The following DLGAP2 variants were observed in gnomAD, a reference collection of about 807,000 sequenced individuals.
The protein encoded by DLGAP2 is disks large-associated protein 2.
DLGAP2 carries 26 observed loss-of-function variants against 100.3 expected under a neutral mutation model. The observed-to-expected ratio is 0.26, with a 90% CI of 0.19 to 0.36. The LOEUF (loss-of-function observed/expected upper bound fraction) is 0.36, where lower values mean the gene tolerates loss of function less well. DLGAP2 is among the 10% of genes least tolerant of loss of function. The pLI is 1.00. For synonymous variants in DLGAP2, 886 were observed against 630.1 expected (o/e 1.41, Z -6.08); for missense variants, 1,858 against 1,453.2 (o/e 1.28, Z -4.53).
At chr8:1,131,808 A>C (rs111622004) in intron 2 of DLGAP2, among the ~76,000 whole-genome samples, 1 of 152,180 alleles carries the variant, frequency 6.6e-6, no homozygotes, top group Non-Finnish European at 1.5e-5. Context: ...TTTGAATTCT[A>C]TGCTTTTTGG....
intron 2 of DLGAP2, among the ~76,000 whole-genome samples, chr8:1,244,731 G>A (rs1413582696): frequency 6.6e-6 from 1 of 152,148 alleles, no homozygotes; most frequent in Non-Finnish European, 1.5e-5. Flanking sequence ...TCTTAGAGAT[G>A]ACACCCAAAG....
At chr8:1,379,078 T>A (rs1352928542) in intron 3 of DLGAP2, among the ~76,000 whole-genome samples, 1 of 152,270 alleles carries the variant, frequency 6.6e-6, no homozygotes, top group African/African-American at 2.4e-5. Flanking sequence ...AAGGCTTAGT[T>A]AGCTTCTATG....
chr8:917,837 C>G (rs940099727), intron 2 of DLGAP2, among the ~76,000 whole-genome samples: 2 of 152,114 alleles, frequency 1.3e-5, no homozygotes, highest in Non-Finnish European at 2.9e-5. Context: ...CCTCGGCCTC[C>G]TAGAGTGCTG....
At chr8:966,563 G>A (rs1158168019) in intron 2 of DLGAP2, among the ~76,000 whole-genome samples, 1 of 152,094 alleles carries the variant, frequency 6.6e-6, no homozygotes, top group Non-Finnish European at 1.5e-5. Context: ...TTTAAAAAAT[G>A]ACAATGGATG....
intron 3 of DLGAP2, among the ~76,000 whole-genome samples, chr8:1,299,615 A>T (rs1009261158): frequency 5.3e-5 from 8 of 152,202 alleles, no homozygotes; most frequent in African/African-American, 1.9e-4. Flanking sequence ...TATTCATTTT[A>T]AAAGCTTGTC....
At chr8:1,542,530 A>T (rs1801397075) in intron 4 of DLGAP2, among the ~76,000 whole-genome samples, 1 of 152,140 alleles carries the variant, frequency 6.6e-6, no homozygotes, top group South Asian at 2.1e-4. Context: ...CCCATGGCAT[A>T]AGGTTTTGAA....
At chr8:1,481,850 G>T (rs911104919) in intron 3 of DLGAP2, among the ~76,000 whole-genome samples, 1 of 152,188 alleles carries the variant, frequency 6.6e-6, no homozygotes, top group Non-Finnish European at 1.5e-5. Context: ...GGCTGGCCCA[G>T]AAAACTAAAC....
intron 2 of DLGAP2, among the ~76,000 whole-genome samples, chr8:1,182,968 G>T (rs1797423082): frequency 6.6e-6 from 1 of 152,250 alleles, no homozygotes; most frequent in Non-Finnish European, 1.5e-5. Context: ...GCCGGTGGAA[G>T]GTAGACATTC....
intron 2 of DLGAP2, among the ~76,000 whole-genome samples, chr8:1,107,197 T>A (rs970271974): frequency 2.0e-5 from 3 of 152,228 alleles, no homozygotes; most frequent in African/African-American, 7.2e-5. Flanking sequence ...AGTGCACTGG[T>A]TCTGTGACTT....
chr8:1,430,976 C>A (rs547656675), intron 3 of DLGAP2, among the ~76,000 whole-genome samples: 16 of 152,302 alleles, frequency 1.1e-4, no homozygotes, highest in Middle Eastern at 3.4e-3. Flanking sequence ...TCTTTTACTT[C>A]AAGTCTCCTA....
chr8:1,649,780 C>T (rs1255759341), intron 8 of DLGAP2, among the ~76,000 whole-genome samples: 1 of 152,122 alleles, frequency 6.6e-6, no homozygotes, highest in Non-Finnish European at 1.5e-5. Context: ...AAACGTAAGT[C>T]ATGGGAAAGC....
At chr8:1,109,105 G>T (rs1438450017) in intron 2 of DLGAP2, among the ~76,000 whole-genome samples, 9 of 116,468 alleles carry the variant, frequency 7.7e-5, no homozygotes, top group East Asian at 3.5e-4. Flanking sequence ...GGTGTGCACG[G>T]GTCTGTGAGG....
chr8:1,605,230 G>T (rs111404053), intron 6 of DLGAP2, among the ~76,000 whole-genome samples: 7 of 152,066 alleles, frequency 4.6e-5, no homozygotes, highest in African/African-American at 1.7e-4. Flanking sequence ...CCCCAGATCC[G>T]GACCTCCTGA....
intron 3 of DLGAP2, among the ~76,000 whole-genome samples, chr8:1,309,267 A>G (rs968571939): frequency 6.6e-6 from 1 of 152,242 alleles, no homozygotes; most frequent in African/African-American, 2.4e-5. Flanking sequence ...ATGAACTTCA[A>G]GTCAGATAAA....
intron 2 of DLGAP2, among the ~76,000 whole-genome samples, chr8:1,039,816 C>T (rs1279700532): frequency 3.5e-5 from 5 of 143,834 alleles, no homozygotes; most frequent in South Asian, 2.3e-4. Flanking sequence ...GTGGTCGGCT[C>T]GGTGTGCATG....
At chr8:1,464,086 C>T (rs1261925979) in intron 3 of DLGAP2, among the ~76,000 whole-genome samples, 2 of 152,244 alleles carry the variant, frequency 1.3e-5, no homozygotes, top group East Asian at 3.8e-4. Flanking sequence ...TGAAGAGCTT[C>T]CTTCCAGCTG....
At chr8:1,027,982 C>T (rs372711426) in intron 2 of DLGAP2, among the ~76,000 whole-genome samples, 5 of 145,786 alleles carry the variant, frequency 3.4e-5, no homozygotes, top group Admixed American at 3.4e-4. Flanking sequence ...GGTGGGGTGT[C>T]AGGCGCCCAT....
intron 2 of DLGAP2, among the ~76,000 whole-genome samples, chr8:1,230,821 T>G (rs1798520238): frequency 6.6e-6 from 1 of 152,190 alleles, no homozygotes; most frequent in Non-Finnish European, 1.5e-5. Flanking sequence ...AGAATGAAAC[T>G]GGATTCCTGC....
intron 2 of DLGAP2, among the ~76,000 whole-genome samples, chr8:967,575 A>C (rs1799902611): frequency 6.6e-6 from 1 of 151,336 alleles, no homozygotes; most frequent in African/African-American, 2.4e-5. Context: ...AAAGTTCAAA[A>C]TTTTGACATG....
Sources: gnomAD v4.1 joint callset for allele counts (sites outside exome capture counted in the v4.1 genomes callset) on GRCh38, gnomAD v4.1.1 for gene constraint, MANE v1.5 for transcripts, NCBI Gene and HGNC (gene_info 2026-07-23, HGNC 2026-07-21) for gene names.